Variants in FARS2 observed in about 807,000 individuals in gnomAD.
The protein encoded by FARS2 is phenylalanyl-tRNA synthetase 2, mitochondrial.
In FARS2, 40 loss-of-function variants were observed where a neutral mutation model predicts 46.4. The ratio of observed to expected loss-of-function variants is 0.86; its 90% CI spans 0.67 to 1.12. The LOEUF is 1.12. FARS2 is among the 50% of genes most tolerant of loss of function. The pLI, the probability that FARS2 is intolerant of heterozygous loss-of-function variation, is 0.00. For missense variants in FARS2, 513 were observed against 567.9 expected (o/e 0.90, Z 0.98); for synonymous variants, 234 against 214.9 (o/e 1.09, Z -0.78).
At chr6:5,475,266 A>G (rs2150330095) in intron 4 of FARS2, among the ~76,000 whole-genome samples, 1 of 152,346 alleles carries the variant, frequency 6.6e-6, no homozygotes, top group East Asian at 1.9e-4. Flanking sequence ...AGAGTTGGAT[A>G]TGCAGGCTTG....
intron 1 of FARS2, among the ~76,000 whole-genome samples, chr6:5,268,414 C>A (rs1411444537): frequency 6.6e-6 from 1 of 152,204 alleles, no homozygotes; most frequent in Non-Finnish European, 1.5e-5. Flanking sequence ...GTTTCAGCTT[C>A]TACATATGGC....
intron 4 of FARS2, among the ~76,000 whole-genome samples, chr6:5,490,823 C>G (rs1767061712): frequency 6.6e-6 from 1 of 152,216 alleles, no homozygotes; most frequent in Non-Finnish European, 1.5e-5. Context: ...GTACTGCCTA[C>G]TCACAGCTAT....
At chr6:5,558,407 T>C (rs1194501550) in intron 5 of FARS2, among the ~76,000 whole-genome samples, 2 of 152,190 alleles carry the variant, frequency 1.3e-5, no homozygotes, top group South Asian at 2.1e-4. Flanking sequence ...ACCTTGAAGA[T>C]GAAGAATGTG....
At chr6:5,489,139 GCAGGGGTATTT>G (rs1193714294) in intron 4 of FARS2, among the ~76,000 whole-genome samples, 4 of 152,098 alleles carry the variant, frequency 2.6e-5, no homozygotes, top group African/African-American at 9.7e-5. Flanking sequence ...GGGAGTGGGG[GCAGGGGTATTT>G]CAGTTTAAAA....
At chr6:5,418,089 G>A (rs1334993612) in intron 3 of FARS2, among the ~76,000 whole-genome samples, 2 of 151,884 alleles carry the variant, frequency 1.3e-5, no homozygotes, top group African/African-American at 4.8e-5. Flanking sequence ...TCTACTTAAC[G>A]TGTTTAGTCT....
chr6:5,286,807 G>C lies in FARS2; in HGVS notation c.-22+25147G>C, dbSNP rs555668671. 1.4e-4 allele frequency among the ~76,000 whole-genome samples: 22 copies of C among 152,334 alleles called. No homozygotes were observed. The South Asian group carries it at 4.6e-3, about 32-fold the overall frequency. ...ATGTAACACATATGTTGGCATGTGT[G>C]TATGTGTGTGAGAGAGAACAGTTTC... On this transcript the variant is annotated intron_variant, in intron 1 of 6. Coordinates refer to ENST00000274680, the MANE Select transcript of FARS2 (RefSeq NM_006567.5).
At chr6:5,648,753 C>G (rs1777201032) in intron 6 of FARS2, among the ~76,000 whole-genome samples, 1 of 152,128 alleles carries the variant, frequency 6.6e-6, no homozygotes, top group Non-Finnish European at 1.5e-5. Flanking sequence ...TTCAATTCCA[C>G]TACTATTTTT....
At chr6:5,435,065 C>T (rs1411254814) in intron 4 of FARS2, among the ~76,000 whole-genome samples, 2 of 152,082 alleles carry the variant, frequency 1.3e-5, no homozygotes, top group Non-Finnish European at 2.9e-5. Context: ...TTTACAGAGC[C>T]GGAGAAAGGT....
chr6:5,264,248 C>G (rs911394049), intron 1 of FARS2, among the ~76,000 whole-genome samples: 1 of 151,598 alleles, frequency 6.6e-6, no homozygotes, highest in Non-Finnish European at 1.5e-5. Context: ...CCCTGTCTAC[C>G]AAAAAGAAAA....
intron 6 of FARS2, among the ~76,000 whole-genome samples, chr6:5,712,867 C>T (rs912425732): frequency 2.2e-4 from 33 of 152,334 alleles, no homozygotes; most frequent in Admixed American, 7.2e-4. Flanking sequence ...GAACCTGTTA[C>T]GAATGCTTAG....
At chr6:5,265,459 A>G (rs1234934178) in intron 1 of FARS2, among the ~76,000 whole-genome samples, 1 of 152,242 alleles carries the variant, frequency 6.6e-6, no homozygotes, top group Admixed American at 6.5e-5. Context: ...GCTGAGTTAT[A>G]TAAGTAGAAC....
intron 4 of FARS2, among the ~76,000 whole-genome samples, chr6:5,438,175 T>TAAA (rs1763633977): frequency 1.3e-5 from 2 of 148,592 alleles, no homozygotes; most frequent in African/African-American, 5.0e-5. Flanking sequence ...CCTTTTTTTT[T>TAAA]AAAAAAATTA....
chr6:5,252,838 G>A, the FARS2 span, among the ~76,000 whole-genome samples: 2 of 152,008 alleles, frequency 1.3e-5, no homozygotes, highest in Non-Finnish European at 2.9e-5. Flanking sequence ...GAGGAACACC[G>A]AGACTCACAC....
At chr6:5,370,988 G>A (rs1040107717) in intron 2 of FARS2, among the ~76,000 whole-genome samples, 1 of 152,182 alleles carries the variant, frequency 6.6e-6, no homozygotes, top group Non-Finnish European at 1.5e-5. Flanking sequence ...CAGCCATGAG[G>A]AATGAGGTCC....
At chr6:5,608,039 T>C (rs1444938525) in intron 5 of FARS2, among the ~76,000 whole-genome samples, 2 of 152,020 alleles carry the variant, frequency 1.3e-5, no homozygotes, top group African/African-American at 2.4e-5. Context: ...TTAACAAATA[T>C]CTTTTTATCG....
intron 1 of FARS2, among the ~76,000 whole-genome samples, chr6:5,348,281 G>A (rs2127601432): frequency 6.6e-6 from 1 of 151,964 alleles, no homozygotes; most frequent in East Asian, 2.0e-4. Context: ...TATTGTACAA[G>A]CTGCACATTT....
chr6:5,458,844 C>T (rs1490277779), intron 4 of FARS2, among the ~76,000 whole-genome samples: 1 of 152,160 alleles, frequency 6.6e-6, no homozygotes, highest in African/African-American at 2.4e-5. Flanking sequence ...GAAATTTTGC[C>T]AGGCAAGTGC....
chr6:5,448,177 A>G (rs1764284637), intron 4 of FARS2, among the ~76,000 whole-genome samples: 1 of 152,236 alleles, frequency 6.6e-6, no homozygotes, highest in East Asian at 1.9e-4. Flanking sequence ...CTTTATACAC[A>G]AAGCTAAAGG....
intron 4 of FARS2, among the ~76,000 whole-genome samples, chr6:5,507,252 T>C (rs1768153915): frequency 6.6e-6 from 1 of 152,238 alleles, no homozygotes; most frequent in Non-Finnish European, 1.5e-5. Context: ...CTTTCCACTG[T>C]TAAGTGTGGT....
Sources: allele counts gnomAD v4.1 joint callset (sites outside exome capture counted in the v4.1 genomes callset), GRCh38; gene constraint gnomAD v4.1.1; transcripts MANE v1.5; gene names NCBI Gene and HGNC (gene_info 2026-07-23, HGNC 2026-07-21).